The following MYH14 variants were observed in gnomAD, a reference collection of about 807,000 sequenced individuals.
MYH14 encodes the protein myosin heavy chain 14.
A neutral mutation model predicts 255.5 loss-of-function variants in MYH14; 123 were observed. The ratio of observed to expected loss-of-function variants is 0.48; its 90% CI spans 0.42 to 0.56. The LOEUF is 0.56. Ranked by LOEUF, MYH14 falls within the 20% of genes least tolerant of loss-of-function variation. MYH14 has a pLI of 0.00. For synonymous variants in MYH14, 1,095 were observed against 1,161.2 expected, an observed-to-expected ratio of 0.94 and a Z score of 1.16; for missense variants, 2,423 against 2,802.3, an observed-to-expected ratio of 0.86 and a Z score of 3.06.
rs1262103948 is a variant in MYH14, at chr19:50,293,552, C to T, written c.5346-12C>T. On this transcript the variant is annotated splice_polypyrimidine_tract_variant and intron_variant, in intron 38 of 42. Transcript: ENST00000642316. This position sits in a 1 kb window ranked among gnomAD's most constrained non-coding sequence, Gnocchi z 4.1. ...CCTGTCCTTTCATCCCCACGCCTTC[C>T]TGTCTCCCTAGGGCAGCCATTCTGG... 3 of 1,612,424 alleles carry T rather than the reference C, an allele frequency of 1.9e-6. No individual in the cohort carries two copies. Among genetic ancestry groups the T allele is most frequent in the Non-Finnish European group, 1.7e-6 (2 of 1,179,330 alleles).
chr19:50,210,766 T>A lies in MYH14; in HGVS notation c.401T>A (p.Ile134Asn). Residue 134 changes from isoleucine to asparagine, a missense_variant, in exon 2 of 43, where the codon ATC (isoleucine) becomes AAC (asparagine). Ile to Asn is a moderately radical substitution (Grantham distance 149, BLOSUM62 -3). This residue lies in a region of MYH14 where 238 missense variants were observed against 245.8 expected (regional missense o/e 0.97). Transcript: ENST00000642316. The stretch of plus-strand genomic sequence containing the variant: ...CGGGAGCGGTACTACTCCGGCCTCA[T>A]CTACGTGAGTGGGCTCCTGCTGGGG... Reference protein sequence around the residue: ...NLRERYYSGLIYTYSGLFCVV... With the variant: ...NLRERYYSGLNYTYSGLFCVV... 6.4e-7 allele frequency: 1 copy of A among 1,568,346 alleles called. No homozygotes were observed. Among genetic ancestry groups the A allele is most frequent in the Non-Finnish European group, 8.6e-7 (1 of 1,158,644 alleles).
chr19:50,294,779 G>T (rs1354780927), intron 39 of MYH14, among the ~76,000 whole-genome samples: 1 of 151,888 alleles, frequency 6.6e-6, no homozygotes, highest in Non-Finnish European at 1.5e-5. Flanking sequence ...GTTATGTGTA[G>T]TAAGACTACT....
chr19:50,278,366 G>T, intron 30 of MYH14, 77 bp downstream of exon 30: 1 of 1,096,586 alleles, frequency 9.1e-7, no homozygotes, highest in Non-Finnish European at 1.3e-6. Context: ...GCTTCTATTT[G>T]GTCCATATCA....
chr19:50,274,597 A>G (rs868864622), intron 27 of MYH14, among the ~76,000 whole-genome samples: 16 of 152,178 alleles, frequency 1.1e-4, no homozygotes, highest in African/African-American at 3.6e-4. Context: ...GCTGGCCTCC[A>G]GAACTTTTTT....
At position 50,310,146 on chromosome 19, in the gene MYH14, A is replaced by G. The variant is rs377444835; in HGVS notation, c.*356A>G. 5 of 328,046 alleles carry G rather than the reference A, an allele frequency of 1.5e-5. No individual in the cohort carries two copies. The East Asian group carries it at 2.5e-4, about 16-fold the overall frequency. 20.3% of individuals were successfully genotyped at this position (328,046 alleles called of 1,614,324 possible). ...GTGAGACGGCTCCTCCACCATCCTC[A>G]GCCAGTGCAACCCATTCCCTCTGCT... On this transcript the variant is annotated 3_prime_UTR_variant, in exon 43 of 43. Coordinates refer to ENST00000642316, the MANE Select transcript of MYH14 (RefSeq NM_001145809.2).
At chr19:50,216,680 G>T (rs533158217) in intron 2 of MYH14, among the ~76,000 whole-genome samples, 1 of 151,698 alleles carries the variant, frequency 6.6e-6, no homozygotes, top group African/African-American at 2.4e-5. Flanking sequence ...AGTAGAAACC[G>T]CAGGTATGTT....
At chr19:50,227,408 C>T (rs1056995576) in intron 8 of MYH14, among the ~76,000 whole-genome samples, 2 of 152,144 alleles carry the variant, frequency 1.3e-5, no homozygotes, top group Non-Finnish European at 2.9e-5. Flanking sequence ...CAGAGAGACT[C>T]ACTACCAGGG....
chr19:50,241,239 A>G, intron 10 of MYH14, among the ~76,000 whole-genome samples: 1 of 152,136 alleles, frequency 6.6e-6, no homozygotes, highest in East Asian at 1.9e-4. Context: ...GATTGAGACC[A>G]TCCTGGCCAA....
rs758410025 is a variant in MYH14 at position 50,309,700 on chromosome 19, C to T, written c.6021C>T (p.Gly2007=). 5 of 1,607,884 alleles carry T rather than the reference C, an allele frequency of 3.1e-6. No individual in the cohort carries two copies. The highest frequency in any genetic ancestry group is 2.7e-5 in the African/African-American group (2 of 74,794). ...TVRQVFRLEE[G]VASDEEAEEA... is the part of the protein sequence containing the mutation. Reference sequence around the variant, plus strand: ...GCCAGGTCTTCCGACTAGAGGAGGGCGTGGCATCCGACGAGGAGGCAGAGG... The same window carrying T: ...GCCAGGTCTTCCGACTAGAGGAGGGTGTGGCATCCGACGAGGAGGCAGAGG... The change falls in exon 43 of 43, where the codon GGC becomes GGT. Residue 2007 remains glycine (G), a synonymous_variant. Transcript: ENST00000642316.
At chr19:50,239,839 G>A (rs10425211) in intron 10 of MYH14, among the ~76,000 whole-genome samples, 68,228 of 151,972 alleles carry the variant, frequency 0.45, 15,735 homozygotes, top group East Asian at 0.58. Context: ...GTGAGCCACC[G>A]CGCCCGGCCA....
intron 35 of MYH14, among the ~76,000 whole-genome samples, 156 bp downstream of exon 35, chr19:50,289,804 T>A (rs1234905752): frequency 6.8e-6 from 1 of 146,598 alleles, no homozygotes; most frequent in Non-Finnish European, 1.5e-5. Flanking sequence ...ACCCTTCCAC[T>A]GCTCAGTGTC....
In MYH14 at chr19:50,250,727, G is replaced by A. The variant is rs1234972808; in HGVS notation, c.1830+39G>A. On this transcript the variant is annotated intron_variant, in intron 15 of 42. Transcript: ENST00000642316. This position sits in a 1 kb window ranked among gnomAD's most constrained non-coding sequence, Gnocchi z 5.4. ...CCGGCCTTGGGGCATGTGGGAGTGG[G>A]GATCAAGGGATCTCCACTGGCTACA... 5.7e-6 allele frequency: 9 copies of A among 1,570,006 alleles called. No individual in the cohort carries two copies. Among genetic ancestry groups the A allele is most frequent in the Admixed American group, 1.7e-5 (1 of 58,554 alleles).
At chr19:50,228,581 G>A (rs926238873) in intron 8 of MYH14, among the ~76,000 whole-genome samples, 6 of 152,098 alleles carry the variant, frequency 3.9e-5, no homozygotes, top group African/African-American at 9.7e-5. Flanking sequence ...TGCTCCTGCC[G>A]TTTTCTGCTC....
chr19:50,236,871 G>A (rs2033682934), intron 10 of MYH14, among the ~76,000 whole-genome samples: 1 of 152,102 alleles, frequency 6.6e-6, no homozygotes, highest in Non-Finnish European at 1.5e-5. Context: ...TATTCATAGA[G>A]TTGTGCACCT....
chr19:50,251,769 G>A (rs1455888129), intron 15 of MYH14, among the ~76,000 whole-genome samples: 2 of 152,022 alleles, frequency 1.3e-5, no homozygotes, highest in Non-Finnish European at 2.9e-5. Context: ...GTAGAGACAG[G>A]GTTTCACCAT....
intron 12 of MYH14, among the ~76,000 whole-genome samples, chr19:50,247,644 G>C (rs560232220): frequency 7.2e-5 from 11 of 152,268 alleles, no homozygotes; most frequent in African/African-American, 2.6e-4. Flanking sequence ...TGTTGGTCAG[G>C]AAAGTCCTCT....
chr19:50,256,533 G>A (rs771660876), intron 17 of MYH14, among the ~76,000 whole-genome samples: 6 of 152,186 alleles, frequency 3.9e-5, no homozygotes, highest in African/African-American at 7.2e-5. Flanking sequence ...CACCACACCT[G>A]GCTTAATTTT....
intron 18 of MYH14, chr19:50,258,732 A>AAACC (rs113235006): frequency 1.1e-5 from 1 of 95,162 alleles, no homozygotes; most frequent in East Asian, 2.7e-4. Context: ...AAAAAAAAAA[A>AAACC]AAAAAAAAAA....
intron 36 of MYH14, 64 bp from the exon 37 acceptor site, chr19:50,292,197 G>T: frequency 1.3e-6 from 2 of 1,488,682 alleles, no homozygotes; most frequent in Admixed American, 2.4e-5. Flanking sequence ...CTGGCAAGGG[G>T]GTGGAGGAGT....
Sources: allele counts gnomAD v4.1 joint callset (sites outside exome capture counted in the v4.1 genomes callset), GRCh38; gene constraint gnomAD v4.1.1; regional missense constraint gnomAD v4.1.1; non-coding constraint Gnocchi (gnomAD v3.1); transcripts MANE v1.5; gene names NCBI Gene and HGNC (gene_info 2026-07-23, HGNC 2026-07-21).